Variants in OSMR observed in about 807,000 individuals in gnomAD.
OSMR encodes oncostatin M receptor.
Under a neutral mutation model 99.9 loss-of-function variants are expected in OSMR, and 81 were observed. The ratio of observed to expected loss-of-function variants is 0.81; its 90% CI spans 0.68 to 0.97. OSMR has a LOEUF of 0.97. OSMR is among the 50% of genes least tolerant of loss of function. The pLI is 0.00. For synonymous variants in OSMR, 406 were observed against 410.4 expected (o/e 0.99, Z 0.13); for missense variants, 1,099 against 1,153.4 (o/e 0.95, Z 0.68).
chr5:38,925,240 C>A lies in OSMR; in HGVS notation c.2081C>A (p.Pro694Gln). The part of the protein sequence containing the change: ...SECCKYKIDN[P>Q]EEKALIVDNL... Reference sequence around the variant, plus strand: ...TGTTGCAAATACAAAATTGACAACCCGGAAGAAAAGGCATTGATTGTGGAC... The same window carrying A: ...TGTTGCAAATACAAAATTGACAACCAGGAAGAAAAGGCATTGATTGTGGAC... Residue 694 changes from proline to glutamine, a missense_variant, in exon 15 of 18, where the codon CCG (proline) becomes CAG (glutamine). By Grantham distance (76) the Pro-to-Gln change is moderately conservative. Coordinates refer to ENST00000274276, the MANE Select transcript of OSMR (RefSeq NM_003999.3). The A allele has an allele frequency of 6.2e-7, 1 of 1,613,820 alleles. No homozygotes were observed. Among genetic ancestry groups the A allele is most frequent in the Non-Finnish European group, 8.5e-7 (1 of 1,179,924 alleles).
chr5:38,923,012 G>A lies in OSMR; in HGVS notation c.1766-138G>A, dbSNP rs1746305221. 1.3e-5 allele frequency: 12 copies of A among 927,500 alleles called. 1 individual carries two copies. The highest frequency in any genetic ancestry group is 2.0e-5 in the Non-Finnish European group (12 of 609,038). The allele number at this position is 927,500 out of a possible 1,614,324, so 57.5% of individuals were successfully genotyped here. On this transcript the variant is annotated intron_variant, in intron 12 of 17. Coordinates refer to ENST00000274276, the MANE Select transcript of OSMR (RefSeq NM_003999.3). ...GCTGGTCTCCAACTCCTGGCCTCAA[G>A]TGATCCGCCTGCCTCGGCCTCCCAA...
chr5:38,851,228 A>G (rs1304188197), intron 1 of OSMR, among the ~76,000 whole-genome samples: 1 of 152,214 alleles, frequency 6.6e-6, no homozygotes, highest in Non-Finnish European at 1.5e-5. Flanking sequence ...GGAATGCTTT[A>G]TGTTGCAGAA....
chr5:38,935,962 A>C (rs541227492), downstream of OSMR, among the ~76,000 whole-genome samples: 7 of 152,212 alleles, frequency 4.6e-5, no homozygotes, highest in Non-Finnish European at 8.8e-5. Flanking sequence ...TCTTGGCTGT[A>C]AACATTTCGT....
intron 15 of OSMR, among the ~76,000 whole-genome samples, chr5:38,928,772 C>T (rs1381841653): frequency 6.6e-6 from 1 of 152,140 alleles, no homozygotes; most frequent in Non-Finnish European, 1.5e-5. Flanking sequence ...AAACCAAAAT[C>T]CAGAACCCCT....
At chr5:38,893,456 T>C (rs1744289304) in intron 7 of OSMR, among the ~76,000 whole-genome samples, 1 of 151,836 alleles carries the variant, frequency 6.6e-6, no homozygotes, top group South Asian at 2.1e-4. Context: ...GTCCAGGAAA[T>C]GAAAAAAGAG....
At chr5:38,881,104 G>A (rs1313552541) in intron 3 of OSMR, among the ~76,000 whole-genome samples, 1 of 152,126 alleles carries the variant, frequency 6.6e-6, no homozygotes, top group Non-Finnish European at 1.5e-5. Context: ...GGAACTTCTG[G>A]TGTGCCATGA....
chr5:38,869,060 G>A lies in OSMR; in HGVS notation c.16G>A (p.Val6Ile), dbSNP rs942309956. 1.9e-6 allele frequency: 3 copies of A among 1,613,854 alleles called. No homozygotes were observed. Among genetic ancestry groups the A allele is most frequent in the Admixed American group, 1.7e-5 (1 of 60,014 alleles). Residue 6 changes from valine (V) to isoleucine (I), a missense_variant, in exon 2 of 18, where the codon GTC (valine) becomes ATC (isoleucine). Transcript: ENST00000274276. MALFAVFQTTFFLTLL... is the reference protein window; with the variant it reads MALFAIFQTTFFLTLL... ...ACCAGAACTGATGGCTCTATTTGCA[G>A]TCTTTCAGACAACATTCTTCTTAAC... is the stretch of plus-strand genomic sequence containing the variant.
chr5:38,925,122 C>G, intron 14 of OSMR, 82 bp from the exon 15 acceptor site: 3 of 1,581,748 alleles, frequency 1.9e-6, no homozygotes, highest in Non-Finnish European at 2.6e-6. Context: ...GCATTAGTGT[C>G]CAGCTCTCTC....
At chr5:38,925,765 C>T (rs1346945469) in intron 15 of OSMR, among the ~76,000 whole-genome samples, 5 of 152,168 alleles carry the variant, frequency 3.3e-5, no homozygotes, top group African/African-American at 1.2e-4. Context: ...GTTTTCTCAG[C>T]AGAATTGTTC....
At chr5:38,930,212 A>G (rs1421021535) in intron 15 of OSMR, among the ~76,000 whole-genome samples, 9 of 152,202 alleles carry the variant, frequency 5.9e-5, no homozygotes, top group Admixed American at 5.9e-4. Context: ...TACATCATCA[A>G]AAGTACTGTT....
chr5:38,945,119 C>T (rs1273425137), downstream of OSMR: 1 of 1,272,118 alleles, frequency 7.9e-7, no homozygotes, highest in Non-Finnish European at 1.1e-6. Flanking sequence ...GGCTTAATTC[C>T]TGTGCTTACA....
At chr5:38,852,701 T>C (rs572793181) in intron 1 of OSMR, among the ~76,000 whole-genome samples, 2 of 150,148 alleles carry the variant, frequency 1.3e-5, no homozygotes, top group South Asian at 4.2e-4. Context: ...GTGATACATA[T>C]TGAAACTATT....
At chr5:38,917,668 A>G (rs1745987572) in intron 10 of OSMR, 46 bp downstream of exon 10, 2 of 1,496,146 alleles carry the variant, frequency 1.3e-6, no homozygotes, top group Admixed American at 1.7e-5. Flanking sequence ...CAAAAGTCAC[A>G]TTTGTGGAAA....
chr5:38,879,051 T>C (rs1480436863), intron 3 of OSMR, among the ~76,000 whole-genome samples: 1 of 152,236 alleles, frequency 6.6e-6, no homozygotes, highest in Non-Finnish European at 1.5e-5. Context: ...ACGGGCTGTG[T>C]GTGCAGGTCA....
chr5:38,858,399 A>C (rs1741027091), intron 1 of OSMR, among the ~76,000 whole-genome samples: 1 of 151,746 alleles, frequency 6.6e-6, no homozygotes, highest in Non-Finnish European at 1.5e-5. Flanking sequence ...TTCACTTAAC[A>C]TAATGACCTT....
chr5:38,898,407 G>C (rs1157835295), intron 7 of OSMR, among the ~76,000 whole-genome samples: 1 of 152,184 alleles, frequency 6.6e-6, no homozygotes, highest in Non-Finnish European at 1.5e-5. Flanking sequence ...TCTGGCATAA[G>C]TAAAGCTACT....
intron 1 of OSMR, among the ~76,000 whole-genome samples, chr5:38,858,114 CTT>C (rs1436384388): frequency 6.6e-6 from 1 of 152,160 alleles, no homozygotes; most frequent in African/African-American, 2.4e-5. Flanking sequence ...TTTATCATTT[CTT>C]TGTGTTGGAG....
At chr5:38,851,911 C>T (rs189200280) in intron 1 of OSMR, among the ~76,000 whole-genome samples, 31 of 152,290 alleles carry the variant, frequency 2.0e-4, no homozygotes, top group African/African-American at 6.0e-4. Context: ...TCACTTGGCT[C>T]TCATTCTTCT....
Position 38,918,413 on chromosome 5 carries a change from G to A in OSMR, c.1363-427G>A, listed in dbSNP as rs1242642481. Among the ~76,000 whole-genome samples the A allele has an allele frequency of 3.3e-5, 5 of 152,232 alleles. No homozygotes were observed. In the East Asian group the frequency reaches 7.7e-4, roughly 24 times the overall value. ...TGGGTATGGAGAGCAGCTAATCCCT[G>A]TACGGCTGCATAGGGGTAACATGGC... is the stretch of plus-strand genomic sequence containing the variant. On this transcript the variant is annotated intron_variant, in intron 10 of 17. Coordinates refer to ENST00000274276, the MANE Select transcript of OSMR (RefSeq NM_003999.3).
Sources: gnomAD v4.1 joint callset for allele counts (sites outside exome capture counted in the v4.1 genomes callset) on GRCh38, gnomAD v4.1.1 for gene constraint, MANE v1.5 for transcripts, NCBI Gene and HGNC (gene_info 2026-07-23, HGNC 2026-07-21) for gene names.